BRAP: variants seen among roughly 807,000 people sequenced by gnomAD.
BRAP encodes BRCA1-associated protein.
In BRAP, 42 loss-of-function variants were observed where a neutral mutation model predicts 73.4. The observed-to-expected ratio is 0.57, with a 90% CI of 0.45 to 0.74. BRAP has a LOEUF of 0.74. BRAP is among the 30% of genes least tolerant of loss of function. The pLI, the probability that BRAP is intolerant of heterozygous loss-of-function variation, is 0.00. For synonymous variants in BRAP, 255 were observed against 267.4 expected, an observed-to-expected ratio of 0.95 and a Z score of 0.45; for missense variants, 593 against 751.4, an observed-to-expected ratio of 0.79 and a Z score of 2.46.
At chr12:111,674,583 G>C (rs1887306656) in intron 4 of BRAP, among the ~76,000 whole-genome samples, 2 of 152,306 alleles carry the variant, frequency 1.3e-5, no homozygotes, top group Middle Eastern at 6.8e-3. Context: ...CTAAGCAGCT[G>C]AGGAAGGATG....
rs576994335 is a variant in BRAP at position 111,649,639 on chromosome 12, A to G, written c.1415+300T>C. ...TTCCTAACTGCCAGTTCTCAGCCAC[A>G]ATGGCTCAAAGAAGCCGAAGGCTCT... On this transcript the variant is annotated intron_variant, in intron 11 of 11. Coordinates refer to ENST00000419234, the MANE Select transcript of BRAP (RefSeq NM_006768.5). Among the ~76,000 whole-genome samples the G allele has an allele frequency of 4.2e-4, 64 of 152,376 alleles. 1 individual carries two copies. Among genetic ancestry groups the G allele is most frequent in the African/African-American group, 1.5e-3 (62 of 41,596 alleles).
intron 11 of BRAP, among the ~76,000 whole-genome samples, chr12:111,648,850 C>T (rs565092889): frequency 2.0e-5 from 3 of 151,978 alleles, no homozygotes; most frequent in Non-Finnish European, 2.9e-5. Flanking sequence ...GGCGTGAACC[C>T]GGGAGGCGGA....
chr12:111,672,163 C>A (rs532351696), intron 5 of BRAP, among the ~76,000 whole-genome samples: 1 of 152,272 alleles, frequency 6.6e-6, no homozygotes, highest in Admixed American at 6.5e-5. Flanking sequence ...CAAGGTCACA[C>A]CACTGTGCTC....
intron 6 of BRAP, among the ~76,000 whole-genome samples, chr12:111,663,721 C>G (rs1303172456): frequency 6.6e-6 from 1 of 152,104 alleles, no homozygotes; most frequent in Non-Finnish European, 1.5e-5. Flanking sequence ...ACCAAACCAC[C>G]CCAAAGAGGA....
chr12:111,654,149 C>T (rs544605679), intron 10 of BRAP, among the ~76,000 whole-genome samples: 107 of 152,304 alleles, frequency 7.0e-4, no homozygotes, highest in Non-Finnish European at 1.4e-3. Context: ...TCTGCTCCAA[C>T]GAGAGCATTG....
At chr12:111,660,870 T>C (rs1221348237) in intron 6 of BRAP, among the ~76,000 whole-genome samples, 195 bp from the exon 7 acceptor site, 1 of 152,122 alleles carries the variant, frequency 6.6e-6, no homozygotes, top group African/African-American at 2.4e-5. Flanking sequence ...AACAGAGAAA[T>C]TGGGATCTGC....
intron 7 of BRAP, among the ~76,000 whole-genome samples, chr12:111,660,339 C>A (rs1024493721): frequency 4.0e-5 from 6 of 151,488 alleles, no homozygotes; most frequent in Non-Finnish European, 8.8e-5. Context: ...CAACCCTAGA[C>A]AAAAAGAAAA....
At position 111,665,902 on chromosome 12, in the gene BRAP, G is replaced by A. The variant is rs568056193; in HGVS notation, c.748-115C>T. 7.9e-6 allele frequency: 11 copies of A among 1,384,174 alleles called. No individual in the cohort carries two copies. Among genetic ancestry groups the A allele is most frequent in the Middle Eastern group, 1.9e-4 (1 of 5,134 alleles). The allele number at this position is 1,384,174 out of a possible 1,614,324, so 85.7% of individuals were successfully genotyped here. On this transcript the variant is annotated intron_variant, in intron 5 of 11. Transcript: ENST00000419234. The surrounding 1 kb of genome is among the most constrained non-coding windows in gnomAD (Gnocchi z 4.3). ...CTGTCACCCACGCTGGAGCCCAGTGGCGCAATCATGGCTCATTACAGCCTT... is the reference window on the plus strand; with the variant it reads ...CTGTCACCCACGCTGGAGCCCAGTGACGCAATCATGGCTCATTACAGCCTT...
intron 4 of BRAP, among the ~76,000 whole-genome samples, chr12:111,678,923 G>A (rs1002359757): frequency 6.6e-6 from 1 of 150,842 alleles, no homozygotes; most frequent in Non-Finnish European, 1.5e-5. Flanking sequence ...AGAGTAGCCT[G>A]GAAAACACAG....
chr12:111,666,225 C>T (rs1886937124), intron 5 of BRAP, among the ~76,000 whole-genome samples: 1 of 152,200 alleles, frequency 6.6e-6, no homozygotes, highest in South Asian at 2.1e-4. Flanking sequence ...CCTTACAGAA[C>T]TGACATTCCA....
intron 5 of BRAP, among the ~76,000 whole-genome samples, chr12:111,669,384 G>C (rs1483148156): frequency 6.6e-5 from 10 of 152,014 alleles, no homozygotes; most frequent in Admixed American, 3.3e-4. Flanking sequence ...ACGCCACCAT[G>C]CCTGGCTAAT....
Position 111,643,160 on chromosome 12 carries a change from G to A in BRAP, c.*1039C>T, listed in dbSNP as rs187155009. On this transcript the variant is annotated 3_prime_UTR_variant, in exon 12 of 12. Transcript: ENST00000419234. ...AGCCCCTCTGTTGGCCCACACAAGCGTTATATGACTGTTCTAAAGGGGGCT... is the reference window on the plus strand; with the variant it reads ...AGCCCCTCTGTTGGCCCACACAAGCATTATATGACTGTTCTAAAGGGGGCT... 6.6e-5 allele frequency: 10 copies of A among 152,192 alleles called. No homozygotes were observed. Among genetic ancestry groups the A allele is most frequent in the Non-Finnish European group, 1.2e-4 (8 of 68,014 alleles). 9.4% of individuals were successfully genotyped at this position (152,192 alleles called of 1,614,324 possible).
rs560166859 is a variant in BRAP at position 111,665,319 on chromosome 12, C to G, written c.896+320G>C. 6.6e-6 allele frequency among the ~76,000 whole-genome samples: 1 copy of G among 152,106 alleles called. No homozygotes were observed. The highest frequency in any genetic ancestry group is 1.9e-4 in the East Asian group (1 of 5,198). Reference sequence around the variant, plus strand: ...TGGCAGACACCAAGTGCAGCTGATACATGAGATTCCAGACCTAGATTTCAC... The same window carrying G: ...TGGCAGACACCAAGTGCAGCTGATAGATGAGATTCCAGACCTAGATTTCAC... On this transcript the variant is annotated intron_variant, in intron 6 of 11. Transcript: ENST00000419234. This position sits in a 1 kb window ranked among gnomAD's most constrained non-coding sequence, Gnocchi z 4.3.
chr12:111,684,853 C>A (rs1388801404), intron 1 of BRAP, among the ~76,000 whole-genome samples: 1 of 152,006 alleles, frequency 6.6e-6, no homozygotes, highest in East Asian at 1.9e-4. Flanking sequence ...ATTTTTAGTA[C>A]AGACAGGGTT....
chr12:111,661,405 G>C (rs145540858), intron 6 of BRAP, among the ~76,000 whole-genome samples: 159 of 150,560 alleles, frequency 1.1e-3, no homozygotes, highest in African/African-American at 3.7e-3. Context: ...TCAGCCTCCT[G>C]AGTAGCTGGG....
At chr12:111,682,019 T>C (rs948395739) in intron 2 of BRAP, among the ~76,000 whole-genome samples, 184 bp from the exon 3 acceptor site, 3 of 152,238 alleles carry the variant, frequency 2.0e-5, no homozygotes, top group African/African-American at 7.2e-5. Context: ...AAGCTCTCTT[T>C]GCTCCATAAA....
At chr12:111,659,868 GTAGAAAAAACAAAAACAAAATTTTT>G (rs1210002133) in intron 7 of BRAP, among the ~76,000 whole-genome samples, 51 of 151,762 alleles carry the variant, frequency 3.4e-4, no homozygotes, top group Middle Eastern at 3.4e-3. Flanking sequence ...TGTTTTTTTT[GTAGAAAAAACAAAAACAAAATTTTT>G]TAGAAAAAAC....
chr12:111,653,031 T>A (rs572302141), intron 10 of BRAP, among the ~76,000 whole-genome samples: 13 of 151,014 alleles, frequency 8.6e-5, no homozygotes, highest in Non-Finnish European at 1.2e-4. Context: ...CTGAATAAAA[T>A]TTTTTTTTTA....
At chr12:111,662,960 AC>A (rs1361507513) in intron 6 of BRAP, among the ~76,000 whole-genome samples, 2,299 of 151,396 alleles carry the variant, frequency 0.015, 69 homozygotes, top group African/African-American at 0.052. Flanking sequence ...AAAAAAAAAA[AC>A]AAAAAACTAA....
Sources: allele counts gnomAD v4.1 joint callset (sites outside exome capture counted in the v4.1 genomes callset), GRCh38; gene constraint gnomAD v4.1.1; non-coding constraint Gnocchi (gnomAD v3.1); transcripts MANE v1.5; gene names NCBI Gene and HGNC (gene_info 2026-07-23, HGNC 2026-07-21).